The following LRP1B variants were observed in gnomAD, a reference collection of about 807,000 sequenced individuals.
LRP1B encodes LDL receptor related protein 1B.
A neutral mutation model predicts 556.6 loss-of-function variants in LRP1B; 217 were observed. The observed-to-expected ratio is 0.39, with a 90% CI of 0.35 to 0.44. The LOEUF (loss-of-function observed/expected upper bound fraction) is 0.44, where lower values mean the gene tolerates loss of function less well. Among genes scored for constraint, LRP1B ranks in the 20% least tolerant of loss-of-function variants. The pLI, the probability that LRP1B is intolerant of heterozygous loss-of-function variation, is 1.00. For synonymous variants in LRP1B, 2,047 were observed against 1,865.8 expected (o/e 1.10, Z -2.50); for missense variants, 5,053 against 5,620.8 (o/e 0.90, Z 3.23).
intron 1 of LRP1B, among the ~76,000 whole-genome samples, chr2:141,903,481 C>T (rs1429025306): frequency 6.6e-6 from 1 of 151,768 alleles, no homozygotes; most frequent in Non-Finnish European, 1.5e-5. Context: ...TTCATAAAAA[C>T]AAATTTTTGG....
intron 7 of LRP1B, among the ~76,000 whole-genome samples, chr2:141,134,080 A>G (rs987938654): frequency 5.9e-5 from 9 of 151,774 alleles, no homozygotes; most frequent in African/African-American, 2.2e-4. Flanking sequence ...CACTCACACA[A>G]GAAATTCCCC....
At chr2:141,909,519 C>T (rs1347003565) in intron 1 of LRP1B, among the ~76,000 whole-genome samples, 1 of 130,378 alleles carries the variant, frequency 7.7e-6, no homozygotes, top group East Asian at 2.3e-4. Flanking sequence ...AGACTAAGGT[C>T]TCAGACATTT....
chr2:141,270,682 C>A (rs2105368203), intron 3 of LRP1B, among the ~76,000 whole-genome samples: 1 of 152,104 alleles, frequency 6.6e-6, no homozygotes, highest in South Asian at 2.1e-4. Flanking sequence ...AATAAGCTGT[C>A]CACAGAAGAA....
In LRP1B at chr2:140,949,938, C is replaced by CAAA. The variant is rs67201185; in HGVS notation, c.3136+294_3136+296dup. ...TGGGTGACAGAGTGAGACTCCGTCT[C>CAAA]AAAAAAAAAAAAAAAAAAAAAAAAA... On this transcript the variant is annotated intron_variant, in intron 20 of 90. Coordinates refer to ENST00000389484, the MANE Select transcript of LRP1B (RefSeq NM_018557.3). Among the ~76,000 whole-genome samples, 7 of 14,268 alleles carry CAAA rather than the reference C, an allele frequency of 4.9e-4. 1 individual carries two copies. Among genetic ancestry groups the CAAA allele is most frequent in the Admixed American group, 2.1e-3 (2 of 972 alleles). 9.4% of individuals were successfully genotyped at this position (14,268 alleles called of 152,430 possible).
intron 1 of LRP1B, among the ~76,000 whole-genome samples, chr2:141,857,887 C>T (rs955525747): frequency 3.3e-5 from 5 of 152,096 alleles, no homozygotes; most frequent in Non-Finnish European, 5.9e-5. Flanking sequence ...GTCACCTTAG[C>T]CCTTTTCCTG....
intron 31 of LRP1B, among the ~76,000 whole-genome samples, chr2:140,815,109 A>C (rs776904590): frequency 1.3e-5 from 2 of 152,082 alleles, no homozygotes; most frequent in Non-Finnish European, 2.9e-5. Flanking sequence ...CTCTCAGAGA[A>C]TAAAGTGAAC....
At chr2:141,379,383 G>C (rs1689556327) in intron 3 of LRP1B, among the ~76,000 whole-genome samples, 2 of 152,148 alleles carry the variant, frequency 1.3e-5, no homozygotes, top group African/African-American at 4.8e-5. Context: ...AAGGGAGAGA[G>C]TGATGCCAAT....
intron 43 of LRP1B, among the ~76,000 whole-genome samples, chr2:140,589,590 T>C (rs1682132752): frequency 6.6e-6 from 1 of 152,198 alleles, no homozygotes; most frequent in African/African-American, 2.4e-5. Context: ...CTTATTCATA[T>C]CATAGATACT....
intron 2 of LRP1B, among the ~76,000 whole-genome samples, chr2:141,562,829 T>C (rs1442668839): frequency 1.3e-5 from 2 of 152,132 alleles, no homozygotes; most frequent in East Asian, 1.9e-4. Context: ...CTGGTAATAA[T>C]TGCATATTTT....
chr2:141,086,155 C>T (rs1700042050), intron 7 of LRP1B, among the ~76,000 whole-genome samples: 1 of 152,104 alleles, frequency 6.6e-6, no homozygotes, highest in East Asian at 1.9e-4. Flanking sequence ...GTTAATAAGC[C>T]ATCTGTGGAG....
At chr2:141,872,340 A>C (rs971919737) in intron 1 of LRP1B, among the ~76,000 whole-genome samples, 1 of 151,974 alleles carries the variant, frequency 6.6e-6, no homozygotes, top group African/African-American at 2.4e-5. Context: ...AAGGAAACTA[A>C]CAAAAGAAAT....
At chr2:140,586,127 G>C (rs974567429) in intron 43 of LRP1B, among the ~76,000 whole-genome samples, 1 of 151,988 alleles carries the variant, frequency 6.6e-6, no homozygotes, top group Admixed American at 6.6e-5. Flanking sequence ...GACATTTCTT[G>C]ATCCTTATGT....
At chr2:140,797,706 C>G (rs1178402051) in intron 32 of LRP1B, among the ~76,000 whole-genome samples, 2 of 151,972 alleles carry the variant, frequency 1.3e-5, no homozygotes, top group South Asian at 2.1e-4. Flanking sequence ...ACTTTAATGG[C>G]AGCAATGAAA....
rs1447813684 is a variant in LRP1B, at chr2:142,015,675, C to A, written c.82+114973G>T. Among the ~76,000 whole-genome samples the A allele has an allele frequency of 5.9e-5, 9 of 152,094 alleles. No individual in the cohort carries two copies. In the East Asian group the frequency reaches 1.4e-3, roughly 23 times the overall value. On this transcript the variant is annotated intron_variant, in intron 1 of 90. Coordinates refer to ENST00000389484, the MANE Select transcript of LRP1B (RefSeq NM_018557.3). Reference sequence around the variant, plus strand: ...TCTACAAGGAACTTAAACAAATTTACAAGAAAAAATCAACCCCATCAAAAA... The same window carrying A: ...TCTACAAGGAACTTAAACAAATTTAAAAGAAAAAATCAACCCCATCAAAAA...
At chr2:140,388,203 T>C (rs1185925571) in intron 66 of LRP1B, among the ~76,000 whole-genome samples, 1 of 152,042 alleles carries the variant, frequency 6.6e-6, no homozygotes, top group Non-Finnish European at 1.5e-5. Context: ...TCCCAACGTG[T>C]TGGGATTACA....
intron 1 of LRP1B, among the ~76,000 whole-genome samples, chr2:141,955,186 G>A (rs1436822540): frequency 1.3e-5 from 2 of 152,124 alleles, no homozygotes; most frequent in African/African-American, 4.8e-5. Flanking sequence ...ATGTTTTAGT[G>A]TAAGTCTGTA....
At chr2:141,686,276 T>C (rs550977977) in intron 2 of LRP1B, among the ~76,000 whole-genome samples, 5 of 152,108 alleles carry the variant, frequency 3.3e-5, no homozygotes, top group African/African-American at 1.2e-4. Context: ...TAAATATATG[T>C]CATGTGTCAT....
chr2:140,798,167 G>T (rs1003583975), intron 32 of LRP1B, among the ~76,000 whole-genome samples: 3 of 152,156 alleles, frequency 2.0e-5, no homozygotes, highest in Admixed American at 6.5e-5. Flanking sequence ...ACAGGGAATT[G>T]TTACCTGTTT....
chr2:140,539,771 G>T (rs1295186879), intron 45 of LRP1B, among the ~76,000 whole-genome samples: 1 of 152,158 alleles, frequency 6.6e-6, no homozygotes, highest in South Asian at 2.1e-4. Context: ...GCAATTGCCT[G>T]AGCAATTCAG....
Sources: allele counts gnomAD v4.1 joint callset (sites outside exome capture counted in the v4.1 genomes callset), GRCh38; gene constraint gnomAD v4.1.1; transcripts MANE v1.5; gene names NCBI Gene and HGNC (gene_info 2026-07-23, HGNC 2026-07-21).